IRF2: variants seen among roughly 807,000 people sequenced by gnomAD.
The protein encoded by IRF2 is interferon regulatory factor 2.
In IRF2, 15 loss-of-function variants were observed where a neutral mutation model predicts 40.6. That is an observed-to-expected ratio of 0.37 (90% CI 0.25 to 0.57). The LOEUF (loss-of-function observed/expected upper bound fraction) is 0.57. Among genes scored for constraint, IRF2 ranks in the 20% least tolerant of loss-of-function variants. The pLI, the probability that IRF2 is intolerant of heterozygous loss-of-function variation, is 0.77. For synonymous variants in IRF2, 151 were observed against 165.5 expected (o/e 0.91, Z 0.67); for missense variants, 317 against 455.7 (o/e 0.70, Z 2.77).
intron 1 of IRF2, among the ~76,000 whole-genome samples, chr4:184,455,542 C>T (rs904130525): frequency 1.3e-5 from 2 of 151,812 alleles, no homozygotes; most frequent in Admixed American, 6.6e-5. Context: ...TCCCATCTCA[C>T]TCATCCCAAA....
At chr4:184,435,142 A>G (rs184165498) in intron 1 of IRF2, among the ~76,000 whole-genome samples, 43 of 152,332 alleles carry the variant, frequency 2.8e-4, no homozygotes, top group Admixed American at 7.2e-4. Flanking sequence ...ATCCTTTATT[A>G]CCTGCTAGTA....
Position 184,413,585 on chromosome 4 carries a change from A to G in IRF2, c.411+4582T>C, listed in dbSNP as rs879656413. ...CTGTTAGAGCCAACAGCTCTATGAG[A>G]AAGAGCAGCCGAACCCCTATCTGCT... On this transcript the variant is annotated intron_variant, in intron 5 of 8. Transcript: ENST00000393593. The surrounding 1 kb of genome is among the most constrained non-coding windows in gnomAD (Gnocchi z 4.2). 2.0e-5 allele frequency among the ~76,000 whole-genome samples: 3 copies of G among 152,198 alleles called. No homozygotes were observed. The highest frequency in any genetic ancestry group is 2.9e-5 in the Non-Finnish European group (2 of 68,038).
chr4:184,432,154 T>C (rs1737907757), intron 1 of IRF2: 1 of 152,250 alleles, frequency 6.6e-6, no homozygotes, highest in Non-Finnish European at 1.5e-5. Flanking sequence ...CGATCCACAC[T>C]GTTCGCAGAT....
chr4:184,441,717 G>A (rs1269485280), intron 1 of IRF2, among the ~76,000 whole-genome samples: 3 of 152,196 alleles, frequency 2.0e-5, no homozygotes, highest in Non-Finnish European at 4.4e-5. Context: ...TAGCTAAGGA[G>A]TATTAAGCGC....
intron 7 of IRF2, among the ~76,000 whole-genome samples, chr4:184,392,078 A>G (rs1023168069): frequency 6.6e-6 from 1 of 152,244 alleles, no homozygotes; most frequent in Non-Finnish European, 1.5e-5. Flanking sequence ...TTTTAAACGT[A>G]AAAACATTTT....
intron 7 of IRF2, among the ~76,000 whole-genome samples, chr4:184,393,672 C>A (rs973462585): frequency 2.0e-5 from 3 of 152,204 alleles, no homozygotes; most frequent in Non-Finnish European, 4.4e-5. Flanking sequence ...GACACAAATG[C>A]GAGTTAAAGA....
chr4:184,467,642 C>T (rs1739373961), intron 1 of IRF2, among the ~76,000 whole-genome samples: 1 of 152,236 alleles, frequency 6.6e-6, no homozygotes, highest in African/African-American at 2.4e-5. Context: ...GGGGCCAGGA[C>T]AGCGTATTCT....
At chr4:184,390,454 T>C (rs910882134) in intron 8 of IRF2, among the ~76,000 whole-genome samples, 2 of 152,226 alleles carry the variant, frequency 1.3e-5, no homozygotes, top group African/African-American at 4.8e-5. Flanking sequence ...CTTTTCCTGC[T>C]ATCACAGCTT....
intron 1 of IRF2, among the ~76,000 whole-genome samples, chr4:184,455,274 T>TCCCCCC (rs1738878369): frequency 4.4e-5 from 1 of 22,756 alleles, no homozygotes; most frequent in Admixed American, 6.5e-4. Context: ...TCCCTCTCCC[T>TCCCCCC]CCCCTCCCCC....
At chr4:184,424,123 T>A (rs935832356) in intron 2 of IRF2, among the ~76,000 whole-genome samples, 1 of 152,184 alleles carries the variant, frequency 6.6e-6, no homozygotes, top group Non-Finnish European at 1.5e-5. Context: ...GATACAGGCA[T>A]ATGAAAATTT....
chr4:184,461,502 C>T (rs549585755), intron 1 of IRF2, among the ~76,000 whole-genome samples: 1 of 152,242 alleles, frequency 6.6e-6, no homozygotes, highest in South Asian at 2.1e-4. Flanking sequence ...GAATTAGGCT[C>T]CTAACTGTAA....
intron 7 of IRF2, among the ~76,000 whole-genome samples, chr4:184,391,197 G>C (rs1736249638): frequency 6.6e-6 from 1 of 152,228 alleles, no homozygotes; most frequent in Non-Finnish European, 1.5e-5. Context: ...TTAGGACTTA[G>C]ATCCTGGATT....
At chr4:184,411,933 T>C (rs1190785175) in intron 5 of IRF2, among the ~76,000 whole-genome samples, 1 of 147,236 alleles carries the variant, frequency 6.8e-6, no homozygotes, top group Non-Finnish European at 1.5e-5. Flanking sequence ...TCACTTTAGA[T>C]AGAGACTCTT....
At chr4:184,390,771 C>A (rs1034520096) in intron 7 of IRF2, 22 bp from the exon 8 acceptor site, 5 of 1,613,934 alleles carry the variant, frequency 3.1e-6, no homozygotes, top group Non-Finnish European at 4.2e-6. Context: ...GAGAAAAACA[C>A]AGGGCCATCA....
intron 1 of IRF2, among the ~76,000 whole-genome samples, chr4:184,452,798 G>GAAAAAA (rs1579104870): frequency 3.3e-5 from 4 of 123,018 alleles, no homozygotes; most frequent in Admixed American, 1.7e-4. Flanking sequence ...AAAAAAAAGG[G>GAAAAAA]AAAGAAAGAA....
intron 1 of IRF2, among the ~76,000 whole-genome samples, chr4:184,440,141 C>T (rs3775568): frequency 0.073 from 11,153 of 152,288 alleles, 765 homozygotes; most frequent in East Asian, 0.32. Flanking sequence ...CTTTCCCTGG[C>T]TCAGTAGCCA....
At chr4:184,446,101 G>A (rs2149911025) in intron 1 of IRF2, among the ~76,000 whole-genome samples, 1 of 152,322 alleles carries the variant, frequency 6.6e-6, no homozygotes, top group South Asian at 2.1e-4. Context: ...GAAGGTAGGA[G>A]AGAGGCATGG....
intron 1 of IRF2, among the ~76,000 whole-genome samples, chr4:184,464,419 G>A (rs1739251281): frequency 6.6e-6 from 1 of 151,708 alleles, no homozygotes; most frequent in African/African-American, 2.4e-5. Context: ...TATGAATATA[G>A]GAGCCATATA....
chr4:184,399,021 C>CG lies in IRF2; in HGVS notation c.587dup (p.Pro197AlafsTer12). Reference sequence around the variant, plus strand: ...CCTCTACAACTTGGCAAATGTCTGGCGGATTGGTGACAATCTCTTGATTCT... The same window carrying CG: ...CCTCTACAACTTGGCAAATGTCTGGCGGGATTGGTGACAATCTCTTGATTCT... On this transcript the variant is annotated frameshift_variant, in exon 7 of 9. Transcript: ENST00000393593. LOFTEE classifies it high-confidence loss of function. 6.2e-7 allele frequency: 1 copy of CG among 1,613,194 alleles called. No homozygotes were observed. The highest frequency in any genetic ancestry group is 8.5e-7 in the Non-Finnish European group (1 of 1,179,676).
Sources: allele counts gnomAD v4.1 joint callset (sites outside exome capture counted in the v4.1 genomes callset), GRCh38; gene constraint gnomAD v4.1.1; non-coding constraint Gnocchi (gnomAD v3.1); transcripts MANE v1.5; gene names NCBI Gene and HGNC (gene_info 2026-07-23, HGNC 2026-07-21).